CDC14A: variants seen among roughly 807,000 people sequenced by gnomAD.
CDC14A encodes the protein dual specificity protein phosphatase CDC14A.
In CDC14A, 53 loss-of-function variants were observed where a neutral mutation model predicts 74.4. The observed-to-expected ratio is 0.71, with a 90% confidence interval of 0.57 to 0.89. The LOEUF (loss-of-function observed/expected upper bound fraction) is 0.89, where lower values mean the gene tolerates loss of function less well. CDC14A is among the 40% of genes least tolerant of loss of function. The pLI is 0.00. For synonymous variants in CDC14A, 247 were observed against 258.4 expected, an observed-to-expected ratio of 0.96 and a Z score of 0.43; for missense variants, 646 against 713.7, an observed-to-expected ratio of 0.91 and a Z score of 1.08.
chr1:100,386,377 A>G (rs942720513), intron 3 of CDC14A, among the ~76,000 whole-genome samples: 4 of 152,172 alleles, frequency 2.6e-5, no homozygotes, highest in Admixed American at 2.0e-4. Context: ...CCAATTTTAA[A>G]CTTCACTTTG....
chr1:100,374,980 A>T (rs1369933019), intron 2 of CDC14A, among the ~76,000 whole-genome samples: 1 of 152,342 alleles, frequency 6.6e-6, no homozygotes, highest in Middle Eastern at 3.4e-3. Flanking sequence ...ATTGTAGTTG[A>T]TTAAGTAGAA....
chr1:100,465,037 T>A (rs1471271089), intron 9 of CDC14A, among the ~76,000 whole-genome samples: 1 of 151,926 alleles, frequency 6.6e-6, no homozygotes, highest in Non-Finnish European at 1.5e-5. Flanking sequence ...TCAATTCTCC[T>A]GCCTCAGCCT....
At chr1:100,351,673 G>A (rs958669209), upstream of CDC14A, 16 of 1,422,496 alleles carry the variant, frequency 1.1e-5, no homozygotes, top group Admixed American at 2.0e-5. Context: ...CGCCCCTCCG[G>A]GACCGGAGCA....
intron 4 of CDC14A, among the ~76,000 whole-genome samples, chr1:100,407,075 A>G (rs1411265107): frequency 1.3e-5 from 2 of 152,102 alleles, no homozygotes; most frequent in Admixed American, 6.6e-5. Context: ...TTCTTGTACC[A>G]GTACCATGTT....
intron 10 of CDC14A, among the ~76,000 whole-genome samples, chr1:100,480,109 C>G (rs964609335): frequency 6.6e-6 from 1 of 152,134 alleles, no homozygotes; most frequent in African/African-American, 2.4e-5. Context: ...TTTCATCATT[C>G]CAAACAGAAA....
intron 15 of CDC14A, 178 bp downstream of exon 15, chr1:100,499,440 C>T (rs535992089): frequency 1.3e-6 from 2 of 1,492,274 alleles, no homozygotes; most frequent in Non-Finnish European, 1.8e-6. Context: ...AGCTCCTCTT[C>T]AAGTAAACGC....
At chr1:100,450,277 G>A (rs561808117) in intron 7 of CDC14A, among the ~76,000 whole-genome samples, 2 of 152,222 alleles carry the variant, frequency 1.3e-5, no homozygotes, top group African/African-American at 4.8e-5. Context: ...ATTGGGTCAA[G>A]AGCAGGAGTC....
chr1:100,500,862 G>T (rs1435899482), intron 15 of CDC14A, among the ~76,000 whole-genome samples: 1 of 145,412 alleles, frequency 6.9e-6, no homozygotes, highest in Non-Finnish European at 1.5e-5. Flanking sequence ...GTTCATGTGT[G>T]GTTGCATTAG....
chr1:100,372,299 A>G (rs981532495), intron 2 of CDC14A, among the ~76,000 whole-genome samples: 2 of 152,216 alleles, frequency 1.3e-5, no homozygotes, highest in Non-Finnish European at 2.9e-5. Context: ...ATAAGACAGC[A>G]GTGAAATTTG....
chr1:100,379,529 C>T (rs1655793532), intron 3 of CDC14A, among the ~76,000 whole-genome samples: 1 of 152,180 alleles, frequency 6.6e-6, no homozygotes, highest in Non-Finnish European at 1.5e-5. Flanking sequence ...AAAAGATTTA[C>T]TGTACCAGTC....
At chr1:100,350,538 C>T (rs996013283), upstream of CDC14A, among the ~76,000 whole-genome samples, 3 of 152,156 alleles carry the variant, frequency 2.0e-5, no homozygotes, top group Admixed American at 2.0e-4. Flanking sequence ...CAATTTTAAG[C>T]AGGAGAGTTA....
At chr1:100,416,838 C>T (rs1661591378) in intron 4 of CDC14A, among the ~76,000 whole-genome samples, 1 of 152,210 alleles carries the variant, frequency 6.6e-6, no homozygotes. Flanking sequence ...TTATTATCCT[C>T]AGTTTATACC....
chr1:100,347,324 T>C (rs1689255199), intron 1 of CDC14A, among the ~76,000 whole-genome samples: 1 of 152,246 alleles, frequency 6.6e-6, no homozygotes, highest in Non-Finnish European at 1.5e-5. Context: ...GTAGAAGCCT[T>C]GAGTGCTCAT....
At chr1:100,516,248 G>C (rs1406691044) in intron 15 of CDC14A, among the ~76,000 whole-genome samples, 1 of 152,026 alleles carries the variant, frequency 6.6e-6, no homozygotes, top group Non-Finnish European at 1.5e-5. Flanking sequence ...GTAAATAAAT[G>C]AATATATATA....
intron 4 of CDC14A, chr1:100,393,585 C>T (rs980477240): frequency 6.7e-5 from 48 of 711,804 alleles, no homozygotes; most frequent in Non-Finnish European, 9.0e-5. Flanking sequence ...TTGGTATCTG[C>T]GAGTTTACTT....
At chr1:100,363,491 G>T (rs1352675971) in intron 2 of CDC14A, among the ~76,000 whole-genome samples, 1 of 152,072 alleles carries the variant, frequency 6.6e-6, no homozygotes, top group Non-Finnish European at 1.5e-5. Flanking sequence ...TCCTTTATAA[G>T]AAATAATTTG....
chr1:100,396,364 C>T (rs1658490873), intron 4 of CDC14A, among the ~76,000 whole-genome samples: 1 of 152,168 alleles, frequency 6.6e-6, no homozygotes, highest in South Asian at 2.1e-4. Context: ...TGAACACTAT[C>T]AATTTAGAGC....
intron 7 of CDC14A, among the ~76,000 whole-genome samples, chr1:100,454,439 C>T (rs1666473098): frequency 6.6e-6 from 1 of 152,076 alleles, no homozygotes; most frequent in Admixed American, 6.6e-5. Context: ...TGCACAAATG[C>T]CTTCTAATGA....
chr1:100,517,491 A>T (rs184212700), intron 15 of CDC14A, among the ~76,000 whole-genome samples: 7 of 152,304 alleles, frequency 4.6e-5, no homozygotes, highest in Admixed American at 4.6e-4. Context: ...GCTAAAAAAA[A>T]TAACTGTTTG....
Sources: gnomAD v4.1 joint callset for allele counts (sites outside exome capture counted in the v4.1 genomes callset) on GRCh38, gnomAD v4.1.1 for gene constraint, MANE v1.5 for transcripts, NCBI Gene and HGNC (gene_info 2026-07-23, HGNC 2026-07-21) for gene names.